Variants in LAMA2 observed in about 807,000 individuals in gnomAD.
The protein encoded by LAMA2 is laminin subunit alpha-2.
A neutral mutation model predicts 364.8 loss-of-function variants in LAMA2; 269 were observed. The observed-to-expected ratio is 0.74, with a 90% confidence interval of 0.67 to 0.82. The LOEUF (loss-of-function observed/expected upper bound fraction) is 0.82. Among genes scored for constraint, LAMA2 ranks in the 40% least tolerant of loss-of-function variants. The pLI is 0.00. For synonymous variants in LAMA2, 1,379 were observed against 1,370.6 expected (o/e 1.01, Z -0.14); for missense variants, 3,807 against 3,873.2 (o/e 0.98, Z 0.45).
At chr6:129,377,871 T>C (rs963008377) in intron 34 of LAMA2, among the ~76,000 whole-genome samples, 1 of 152,034 alleles carries the variant, frequency 6.6e-6, no homozygotes, top group Non-Finnish European at 1.5e-5. Context: ...AAGTAACAGC[T>C]ACATTGTTCA....
At chr6:129,088,673 C>T (rs1463005841) in intron 3 of LAMA2, among the ~76,000 whole-genome samples, 5 of 149,308 alleles carry the variant, frequency 3.3e-5, no homozygotes, top group South Asian at 2.2e-4. Flanking sequence ...ACTTCTCAGA[C>T]GGGGCGGCTG....
At chr6:129,293,416 C>T (rs1319108275) in intron 20 of LAMA2, among the ~76,000 whole-genome samples, 1 of 152,098 alleles carries the variant, frequency 6.6e-6, no homozygotes, top group East Asian at 1.9e-4. Flanking sequence ...AATAAATGAA[C>T]AAATGAAGGA....
chr6:129,258,277 T>C (rs1238319721), intron 14 of LAMA2, among the ~76,000 whole-genome samples: 2 of 152,026 alleles, frequency 1.3e-5, no homozygotes, highest in Non-Finnish European at 2.9e-5. Context: ...GAACTGAAAA[T>C]AGGTATTATG....
intron 32 of LAMA2, 147 bp downstream of exon 32, chr6:129,353,504 CA>C (rs1262587179): frequency 1.7e-5 from 12 of 696,572 alleles, no homozygotes; most frequent in Non-Finnish European, 2.8e-5. Flanking sequence ...ACTATCTATC[CA>C]CCTTCTGCTG....
intron 4 of LAMA2, among the ~76,000 whole-genome samples, chr6:129,136,789 T>A (rs996837888): frequency 2.0e-5 from 3 of 152,102 alleles, no homozygotes; most frequent in African/African-American, 7.2e-5. Flanking sequence ...CTAAAGAAAT[T>A]AAAGAAAAGA....
At chr6:129,457,683 A>C (rs1165158550) in intron 48 of LAMA2, among the ~76,000 whole-genome samples, 2 of 152,150 alleles carry the variant, frequency 1.3e-5, no homozygotes, top group African/African-American at 4.8e-5. Context: ...AACCCCAAAA[A>C]GTATGTCTTA....
chr6:129,514,836 G>A (rs1317269323), intron 64 of LAMA2, among the ~76,000 whole-genome samples: 1 of 152,188 alleles, frequency 6.6e-6, no homozygotes, highest in African/African-American at 2.4e-5. Context: ...TTCGTGGAGA[G>A]ATTGAAGCTG....
At chr6:129,255,404 TCAAAAAAAAA>T (rs2038559116) in intron 14 of LAMA2, among the ~76,000 whole-genome samples, 1 of 19,984 alleles carries the variant, frequency 5.0e-5, no homozygotes, top group Non-Finnish European at 1.1e-4. Flanking sequence ...AGACTCTGTC[TCAAAAAAAAA>T]AAAAAAAAAA....
Position 129,456,459 on chromosome 6 carries a change from A to G in LAMA2, c.6832A>G (p.Met2278Val), listed in dbSNP as rs146854942. Residue 2278 changes from methionine to valine, a missense_variant, in exon 48 of 65, where the codon ATG becomes GTG. Physicochemically the swap from Met to Val is conservative, Grantham distance 21 (BLOSUM62 1). Coordinates refer to ENST00000421865, the MANE Select transcript of LAMA2 (RefSeq NM_000426.4). ...GATTCTAGATGTGGATGCAAATGCA[A>G]TGCTGTTTGTTGGTGGCCTGACTGG... ...YTILDVDANAMLFVGGLTGKL... is the reference protein window; with the variant it reads ...YTILDVDANAVLFVGGLTGKL... 615 of 1,613,434 alleles carry G rather than the reference A, an allele frequency of 3.8e-4. No individual in the cohort carries two copies. The highest frequency in any genetic ancestry group is 5.0e-4 in the Non-Finnish European group (590 of 1,179,594).
intron 1 of LAMA2, among the ~76,000 whole-genome samples, chr6:128,904,541 G>A (rs1247366497): frequency 2.8e-5 from 4 of 145,376 alleles, no homozygotes; most frequent in South Asian, 4.5e-4. Context: ...TGCAACCTCC[G>A]CCTCCCGGGT....
chr6:129,358,320 T>G (rs570856838), intron 32 of LAMA2, among the ~76,000 whole-genome samples: 4 of 152,044 alleles, frequency 2.6e-5, no homozygotes, highest in Non-Finnish European at 5.9e-5. Context: ...GCTGTTCTGC[T>G]AGCTGATTAA....
At chr6:129,253,413 C>T (rs1786406097) in intron 14 of LAMA2, among the ~76,000 whole-genome samples, 1 of 152,216 alleles carries the variant, frequency 6.6e-6, no homozygotes, top group Non-Finnish European at 1.5e-5. Context: ...TTGCCTTTCA[C>T]TGGTAATATT....
At chr6:129,512,151 AG>A (rs898719153) in intron 62 of LAMA2, among the ~76,000 whole-genome samples, 2 of 152,174 alleles carry the variant, frequency 1.3e-5, no homozygotes, top group African/African-American at 4.8e-5. Flanking sequence ...CTAAAAGGGA[AG>A]GTAGCCCAGA....
At chr6:129,291,865 A>G (rs959375665) in intron 20 of LAMA2, 145 bp downstream of exon 20, 3 of 688,012 alleles carry the variant, frequency 4.4e-6, no homozygotes, top group Non-Finnish European at 2.5e-6. Flanking sequence ...TGATCAGTGA[A>G]AAGTTTTTTT....
chr6:129,024,348 A>G (rs1014091112), intron 1 of LAMA2, among the ~76,000 whole-genome samples: 1 of 150,348 alleles, frequency 6.7e-6, no homozygotes, highest in Non-Finnish European at 1.5e-5. Context: ...TATTCAACCC[A>G]ATCACTGTAC....
Position 129,188,247 on chromosome 6 carries a change from C to A in LAMA2, c.1468-1958C>A, listed in dbSNP as rs554653083. ...TCTTCATAGTGCCTAGAATTCCTAC[C>A]CTAATGTGTTGCTTCAGGTTATTAA... On this transcript the variant is annotated intron_variant, in intron 10 of 64. Transcript: ENST00000421865. 8.6e-5 allele frequency among the ~76,000 whole-genome samples: 13 copies of A among 151,768 alleles called. 1 individual carries two copies. The South Asian group carries it at 2.7e-3, about 32-fold the overall frequency.
Position 129,049,989 on chromosome 6 carries a change from G to T in LAMA2, c.184G>T (p.Gly62Ter), listed in dbSNP as rs398123368. Residue 62 changes from glycine (G) to a stop codon, truncating the protein, a stop_gained, in exon 2 of 65, where the codon GGA becomes TGA. Coordinates refer to ENST00000421865, the MANE Select transcript of LAMA2 (RefSeq NM_000426.4). LOFTEE classifies it high-confidence loss of function. ...ITTNATCGEK[G>*]PEMYCKLVEH... is the part of the protein sequence containing the mutation. ...GACCAATGCAACATGTGGAGAAAAA[G>T]GACCTGAAATGTACTGCAAATTGGT... 1 of 1,614,032 alleles carries T rather than the reference G, an allele frequency of 6.2e-7. No homozygotes were observed. Among genetic ancestry groups the T allele is most frequent in the Non-Finnish European group, 8.5e-7 (1 of 1,179,930 alleles).
At chr6:129,020,482 G>T (rs1356159335) in intron 1 of LAMA2, among the ~76,000 whole-genome samples, 2 of 152,184 alleles carry the variant, frequency 1.3e-5, no homozygotes, top group Non-Finnish European at 2.9e-5. Context: ...TGGAGATACG[G>T]AAGGAAGGAA....
At position 129,503,075 on chromosome 6, in the gene LAMA2, T is replaced by C; in HGVS notation, c.8358-16T>C. 6.2e-7 allele frequency: 1 copy of C among 1,612,730 alleles called. No homozygotes were observed. Among genetic ancestry groups the C allele is most frequent in the Admixed American group, 1.7e-5 (1 of 60,030 alleles). On this transcript the variant is annotated splice_polypyrimidine_tract_variant and intron_variant, in intron 59 of 64. Transcript: ENST00000421865. ...TGTTATTTTTCTGTTTGACTTTGCA[T>C]GCTTTTGTTTCACAGTCTCACAATT...
Sources: gnomAD v4.1 joint callset for allele counts (sites outside exome capture counted in the v4.1 genomes callset) on GRCh38, gnomAD v4.1.1 for gene constraint, MANE v1.5 for transcripts, NCBI Gene and HGNC (gene_info 2026-07-23, HGNC 2026-07-21) for gene names.